Variants in ORC4 observed in about 807,000 individuals in gnomAD.
ORC4 encodes the protein origin recognition complex, subunit 4 homolog.
In ORC4, 55 loss-of-function variants were observed where a neutral mutation model predicts 63.9. The ratio of observed to expected loss-of-function variants is 0.86; its 90% CI spans 0.69 to 1.08. The LOEUF (loss-of-function observed/expected upper bound fraction) is 1.08. Among genes scored for constraint, ORC4 ranks in the 50% least tolerant of loss-of-function variants. The probability of loss-of-function intolerance (pLI) is 0.00; values close to 1 mark genes in which losing one functional copy is unlikely to be tolerated. For missense variants in ORC4, 511 were observed against 504.4 expected (o/e 1.01, Z -0.13); for synonymous variants, 150 against 168.5 (o/e 0.89, Z 0.85).
intron 4 of ORC4, among the ~76,000 whole-genome samples, chr2:147,966,806 A>G (rs1689919515): frequency 6.6e-6 from 1 of 152,138 alleles, no homozygotes. Context: ...TTCTAAAACT[A>G]TTCCAAAAAA....
chr2:147,938,586 T>C, intron 11 of ORC4, 193 bp from the exon 12 acceptor site: 1 of 549,460 alleles, frequency 1.8e-6, no homozygotes, highest in Non-Finnish European at 3.2e-6. Flanking sequence ...CTTAGTTTTT[T>C]TCCTATCTGC....
At chr2:147,937,778 G>A (rs1204406324) in intron 13 of ORC4, among the ~76,000 whole-genome samples, 3 of 152,004 alleles carry the variant, frequency 2.0e-5, no homozygotes, top group Non-Finnish European at 2.9e-5. Flanking sequence ...AGGCCAATAA[G>A]ATTTTGTCTT....
chr2:147,939,172 C>T lies in ORC4; in HGVS notation c.926G>A (p.Cys309Tyr). 1.2e-6 allele frequency: 2 copies of T among 1,612,166 alleles called. No individual in the cohort carries two copies. The highest frequency in any genetic ancestry group is 8.5e-7 in the Non-Finnish European group (1 of 1,178,394). ...AVDLMEASQL[C>Y]SMDSKANIVH... is the part of the protein sequence containing the mutation. ...AATATTTGCTTTCGAGTCCATGCTA[C>T]ACAGTTGGCTTGCTTCCATTAGATC... Residue 309 changes from cysteine to tyrosine, a missense_variant, in exon 11 of 14, where the codon TGT becomes TAT. Coordinates refer to ENST00000392857, the MANE Select transcript of ORC4 (RefSeq NM_181741.4).
In ORC4 at chr2:148,010,743, T is replaced by G. The variant is rs560662216; in HGVS notation, c.-18+9890A>C. Among the ~76,000 whole-genome samples the G allele has an allele frequency of 5.9e-5, 9 of 152,182 alleles. No homozygotes were observed. The East Asian group carries it at 1.7e-3, about 29-fold the overall frequency. Reference sequence around the variant, plus strand: ...AAAGGCCAGGACTTCATGGCTTCACTGAGTTCTACCAAACATTTAAAGAAG... The same window carrying G: ...AAAGGCCAGGACTTCATGGCTTCACGGAGTTCTACCAAACATTTAAAGAAG... On this transcript the variant is annotated intron_variant, in intron 1 of 13. Coordinates refer to ENST00000392857, the MANE Select transcript of ORC4 (RefSeq NM_181741.4).
At chr2:147,942,969 G>T (rs552417775) in intron 10 of ORC4, among the ~76,000 whole-genome samples, 4 of 151,952 alleles carry the variant, frequency 2.6e-5, no homozygotes, top group Non-Finnish European at 4.4e-5. Flanking sequence ...TGAATATGTG[G>T]GAAATGTAAT....
chr2:147,992,909 C>T (rs1460336692), intron 1 of ORC4, among the ~76,000 whole-genome samples: 1 of 152,154 alleles, frequency 6.6e-6, no homozygotes, highest in African/African-American at 2.4e-5. Flanking sequence ...TCTAATGTTC[C>T]CTGCCCTCAT....
intron 1 of ORC4, among the ~76,000 whole-genome samples, chr2:147,986,496 G>T (rs998630317): frequency 1.3e-5 from 2 of 152,046 alleles, no homozygotes; most frequent in Admixed American, 6.6e-5. Context: ...AGAATTCACT[G>T]GGACTCAGCC....
chr2:147,959,040 CTT>C (rs1248658071), intron 4 of ORC4, among the ~76,000 whole-genome samples, 174 bp from the exon 5 acceptor site: 3 of 151,988 alleles, frequency 2.0e-5, no homozygotes, highest in Non-Finnish European at 4.4e-5. Flanking sequence ...ATATCTGACT[CTT>C]TTTAAGAAAC....
At chr2:148,021,232 G>T, upstream of ORC4, 1 of 263,898 alleles carries the variant, frequency 3.8e-6, no homozygotes, top group Non-Finnish European at 7.8e-6. Context: ...GGGGGTGGGG[G>T]GAAGGCGGCT....
In ORC4 at chr2:147,954,454, C is replaced by T. The variant is rs531748968; in HGVS notation, c.436+893G>A. Among the ~76,000 whole-genome samples the T allele has an allele frequency of 7.9e-5, 12 of 152,228 alleles. No homozygotes were observed. The South Asian group carries it at 1.9e-3, about 24-fold the overall frequency. On this transcript the variant is annotated intron_variant, in intron 7 of 13. Coordinates refer to ENST00000392857, the MANE Select transcript of ORC4 (RefSeq NM_181741.4). ...TGCTCCTAGGCTATGAACCTATGAG[C>T]ATGTGATAGTGTAGACAACTGTAAC...
chr2:147,953,502 G>A (rs1689078337), intron 7 of ORC4, among the ~76,000 whole-genome samples: 2 of 152,104 alleles, frequency 1.3e-5, no homozygotes. Flanking sequence ...AATATAAGGG[G>A]AGTCACTAAT....
intron 1 of ORC4, among the ~76,000 whole-genome samples, chr2:147,987,389 T>C (rs899118911): frequency 5.3e-5 from 7 of 132,220 alleles, no homozygotes; most frequent in Non-Finnish European, 8.5e-5. Flanking sequence ...TGTGTATATA[T>C]ATACACACAC....
intron 4 of ORC4, among the ~76,000 whole-genome samples, chr2:147,966,546 A>C (rs1422343238): frequency 6.6e-6 from 1 of 152,160 alleles, no homozygotes; most frequent in Non-Finnish European, 1.5e-5. Context: ...CACAGAAATA[A>C]AAAGGATCAT....
intron 4 of ORC4, among the ~76,000 whole-genome samples, chr2:147,972,146 G>A (rs1237958412): frequency 6.6e-6 from 1 of 151,828 alleles, no homozygotes; most frequent in Non-Finnish European, 1.5e-5. Context: ...AAGAGTAAAG[G>A]GAAATAAGTA....
chr2:148,008,767 C>A (rs1293755785), intron 1 of ORC4, among the ~76,000 whole-genome samples: 1 of 152,212 alleles, frequency 6.6e-6, no homozygotes, highest in East Asian at 1.9e-4. Flanking sequence ...GCAGGGGCCA[C>A]ATACGTCAGG....
At chr2:148,021,041 T>C (rs1018487312), upstream of ORC4, 1 of 152,092 alleles carries the variant, frequency 6.6e-6, no homozygotes, top group Non-Finnish European at 1.5e-5. Flanking sequence ...GAGAGGGACA[T>C]GCGCAGTGAG....
At chr2:147,951,850 G>A (rs1298445749) in intron 8 of ORC4, among the ~76,000 whole-genome samples, 1 of 152,128 alleles carries the variant, frequency 6.6e-6, no homozygotes, top group Admixed American at 6.5e-5. Flanking sequence ...CCTTCACAAG[G>A]CAAAGTGATA....
At chr2:147,986,776 G>GACACAC (rs1048997022) in intron 1 of ORC4, among the ~76,000 whole-genome samples, 10 of 101,308 alleles carry the variant, frequency 9.9e-5, no homozygotes, top group African/African-American at 3.8e-4. Context: ...ATTTTATACA[G>GACACAC]ACACACACAC....
chr2:148,003,704 A>G (rs1477203327), intron 1 of ORC4, among the ~76,000 whole-genome samples: 1 of 152,218 alleles, frequency 6.6e-6, no homozygotes, highest in East Asian at 1.9e-4. Flanking sequence ...CCGGCACAAG[A>G]AAAGGATGCC....
Sources: allele counts gnomAD v4.1 joint callset (sites outside exome capture counted in the v4.1 genomes callset), GRCh38; gene constraint gnomAD v4.1.1; transcripts MANE v1.5; gene names NCBI Gene and HGNC (gene_info 2026-07-23, HGNC 2026-07-21).